RORA: variants seen among roughly 807,000 people sequenced by gnomAD.
RORA encodes RAR related orphan receptor A.
A neutral mutation model predicts 69.5 loss-of-function variants in RORA; 7 were observed. That is an observed-to-expected ratio of 0.10 (90% CI 0.06 to 0.19). RORA has a LOEUF of 0.19. Ranked by LOEUF, RORA falls within the 10% of genes least tolerant of loss-of-function variation. The pLI, the probability that RORA is intolerant of heterozygous loss-of-function variation, is 1.00. For synonymous variants in RORA, 261 were observed against 240.8 expected, an observed-to-expected ratio of 1.08 and a Z score of -0.78; for missense variants, 457 against 663.0, an observed-to-expected ratio of 0.69 and a Z score of 3.41.
chr15:60,834,495 G>T (rs1174247900), intron 1 of RORA, among the ~76,000 whole-genome samples: 1 of 152,200 alleles, frequency 6.6e-6, no homozygotes, highest in African/African-American at 2.4e-5. Flanking sequence ...TACTCAGCAA[G>T]CTGCAAAGAG....
intron 1 of RORA, among the ~76,000 whole-genome samples, chr15:60,688,996 C>T (rs1178900316): frequency 6.6e-6 from 1 of 152,150 alleles, no homozygotes; most frequent in Non-Finnish European, 1.5e-5. Flanking sequence ...TCATCAGGAC[C>T]TCCTGATAAA....
At chr15:61,035,287 T>C (rs921569508) in intron 1 of RORA, among the ~76,000 whole-genome samples, 2 of 152,234 alleles carry the variant, frequency 1.3e-5, no homozygotes, top group African/African-American at 4.8e-5. Flanking sequence ...TCTGCAAGAT[T>C]AAGCAAATAT....
intron 3 of RORA, among the ~76,000 whole-genome samples, chr15:60,522,770 T>TAAAAA (rs34289911): frequency 8.1e-6 from 1 of 124,170 alleles, no homozygotes; most frequent in African/African-American, 3.1e-5. Context: ...CCCTGTGTCT[T>TAAAAA]AAAAAAAAAA....
intron 1 of RORA, among the ~76,000 whole-genome samples, chr15:60,932,738 G>C (rs1892411562): frequency 6.6e-6 from 1 of 152,154 alleles, no homozygotes; most frequent in Admixed American, 6.5e-5. Flanking sequence ...CAAGCCCATG[G>C]CCCAGCCCCA....
chr15:60,645,420 A>ATTTT (rs11382212), intron 2 of RORA, among the ~76,000 whole-genome samples: 2 of 135,436 alleles, frequency 1.5e-5, no homozygotes, highest in African/African-American at 2.7e-5. Flanking sequence ...TGACAGATAA[A>ATTTT]TTTTTTTTTT....
intron 1 of RORA, among the ~76,000 whole-genome samples, chr15:60,753,922 G>A (rs1340978649): frequency 1.3e-5 from 2 of 152,224 alleles, no homozygotes; most frequent in East Asian, 3.9e-4. Flanking sequence ...TGTGGAGCAA[G>A]TATTATTACT....
chr15:61,170,958 T>C (rs772037884), intron 1 of RORA, among the ~76,000 whole-genome samples: 42 of 152,366 alleles, frequency 2.8e-4, no homozygotes, highest in Non-Finnish European at 5.4e-4. Flanking sequence ...TAGTCGTTTC[T>C]GGTAGATGTT....
intron 1 of RORA, among the ~76,000 whole-genome samples, chr15:60,859,185 C>T (rs1430117792): frequency 2.0e-5 from 3 of 152,158 alleles, no homozygotes; most frequent in African/African-American, 4.8e-5. Context: ...GATCCATCCA[C>T]CTAAATCCTT....
chr15:60,630,333 C>T (rs2069706191), intron 2 of RORA: 1 of 152,262 alleles, frequency 6.6e-6, no homozygotes, highest in Non-Finnish European at 1.5e-5. Flanking sequence ...GGCAAAGAAA[C>T]TCAGACTCCA....
At chr15:60,746,258 T>G (rs2071647183) in intron 1 of RORA, among the ~76,000 whole-genome samples, 1 of 152,072 alleles carries the variant, frequency 6.6e-6, no homozygotes, top group Admixed American at 6.6e-5. Flanking sequence ...GCTGTAAAAA[T>G]ATAGGCTGCC....
intron 1 of RORA, among the ~76,000 whole-genome samples, chr15:61,031,291 G>A (rs1896155231): frequency 1.3e-5 from 2 of 152,146 alleles, no homozygotes; most frequent in African/African-American, 2.4e-5. Flanking sequence ...AGATCTCTAG[G>A]TGAAGGATGC....
chr15:60,502,473 C>A (rs1290224914), intron 8 of RORA, among the ~76,000 whole-genome samples: 1 of 152,078 alleles, frequency 6.6e-6, no homozygotes, highest in Non-Finnish European at 1.5e-5. Context: ...ACCAGCAAAT[C>A]TGGTTTCTTA....
chr15:60,916,535 G>A (rs927448504), intron 1 of RORA, among the ~76,000 whole-genome samples: 1 of 152,136 alleles, frequency 6.6e-6, no homozygotes, highest in Non-Finnish European at 1.5e-5. Flanking sequence ...TGCCAATTCT[G>A]AATATTTCGC....
At chr15:60,664,969 C>A (rs2070359409) in intron 2 of RORA, among the ~76,000 whole-genome samples, 1 of 152,136 alleles carries the variant, frequency 6.6e-6, no homozygotes, top group South Asian at 2.1e-4. Flanking sequence ...GAAAAGAGCA[C>A]AGAAACTGTG....
At chr15:60,958,729 GTGGC>G (rs1893337665) in intron 1 of RORA, among the ~76,000 whole-genome samples, 1 of 152,172 alleles carries the variant, frequency 6.6e-6, no homozygotes, top group African/African-American at 2.4e-5. Flanking sequence ...AATGGCAGCC[GTGGC>G]TGTCATTAAG....
intron 2 of RORA, among the ~76,000 whole-genome samples, chr15:60,551,853 A>G (rs1228744907): frequency 2.6e-5 from 4 of 152,356 alleles, no homozygotes; most frequent in African/African-American, 9.6e-5. Context: ...TACTGCCACC[A>G]TCTGTTCATT....
At chr15:60,728,872 G>C (rs775811181) in intron 1 of RORA, among the ~76,000 whole-genome samples, 3 of 152,146 alleles carry the variant, frequency 2.0e-5, no homozygotes, top group Non-Finnish European at 2.9e-5. Context: ...GAAAGGTGCA[G>C]ATTTTTAAAA....
intron 1 of RORA, among the ~76,000 whole-genome samples, chr15:60,985,382 T>A (rs1321607391): frequency 7.0e-6 from 1 of 142,658 alleles, no homozygotes; most frequent in Non-Finnish European, 1.5e-5. Flanking sequence ...TACTCCCACT[T>A]AAGAAAAAGA....
chr15:60,663,601 A>T (rs1006073101), intron 2 of RORA, among the ~76,000 whole-genome samples: 1 of 152,182 alleles, frequency 6.6e-6, no homozygotes, highest in African/African-American at 2.4e-5. Context: ...GATCACAGGC[A>T]TACGCCACCA....
Sources: gnomAD v4.1 joint callset for allele counts (sites outside exome capture counted in the v4.1 genomes callset) on GRCh38, gnomAD v4.1.1 for gene constraint, MANE v1.5 for transcripts, NCBI Gene and HGNC (gene_info 2026-07-23, HGNC 2026-07-21) for gene names.